The following SRRM4 variants were observed in gnomAD, a reference collection of about 807,000 sequenced individuals.
SRRM4 encodes serine/arginine repetitive matrix protein 4.
In SRRM4, 33 loss-of-function variants were observed where a neutral mutation model predicts 68.9. That is an observed-to-expected ratio of 0.48 (90% CI 0.36 to 0.64). The LOEUF is 0.64. SRRM4 is among the 30% of genes least tolerant of loss of function. The pLI is 0.00. For synonymous variants in SRRM4, 318 were observed against 318.8 expected (o/e 1.00, Z 0.03); for missense variants, 817 against 827.1 (o/e 0.99, Z 0.15).
intron 1 of SRRM4, among the ~76,000 whole-genome samples, chr12:118,999,229 T>G (rs886290685): frequency 6.6e-6 from 1 of 151,484 alleles, no homozygotes; most frequent in African/African-American, 2.4e-5. Context: ...GGAGGGAGAG[T>G]CCTGCACCTG....
chr12:119,139,170 A>AG (rs1565917502), intron 8 of SRRM4, among the ~76,000 whole-genome samples: 1 of 152,190 alleles, frequency 6.6e-6, no homozygotes, highest in Admixed American at 6.5e-5. Context: ...TCAATGTCGG[A>AG]GGGGGGTGAC....
At chr12:119,068,719 G>A (rs1469948370) in intron 1 of SRRM4, among the ~76,000 whole-genome samples, 4 of 151,898 alleles carry the variant, frequency 2.6e-5, no homozygotes, top group African/African-American at 9.7e-5. Flanking sequence ...CCTCCATCTC[G>A]GTGTCAGAAA....
intron 1 of SRRM4, among the ~76,000 whole-genome samples, chr12:119,047,332 A>AT (rs1565896977): frequency 1.3e-5 from 2 of 151,918 alleles, no homozygotes; most frequent in South Asian, 2.1e-4. Context: ...TTAACTTTAA[A>AT]ATTTTTTTTT....
intron 7 of SRRM4, among the ~76,000 whole-genome samples, chr12:119,129,977 A>ATGGG (rs1283166595): frequency 1.3e-5 from 2 of 150,228 alleles, no homozygotes; most frequent in African/African-American, 2.5e-5. Context: ...GGATGGATGG[A>ATGGG]TGGATGGATG....
At position 119,031,769 on chromosome 12, in the gene SRRM4, T is replaced by C. The variant is rs1021880046; in HGVS notation, c.131+49756T>C. ...GCTCATTTATTTTTTCCTTTGCAAA[T>C]TGCTAATTCATAATTTTTGCCCATT... On this transcript the variant is annotated intron_variant, in intron 1 of 12. Coordinates refer to ENST00000267260, the MANE Select transcript of SRRM4 (RefSeq NM_194286.4). Among the ~76,000 whole-genome samples the C allele has an allele frequency of 3.9e-5, 6 of 152,154 alleles. No homozygotes were observed. The East Asian group carries it at 7.7e-4, about 20-fold the overall frequency.
At chr12:119,078,755 AC>A (rs1484382155) in intron 1 of SRRM4, among the ~76,000 whole-genome samples, 3 of 152,106 alleles carry the variant, frequency 2.0e-5, no homozygotes, top group Non-Finnish European at 2.9e-5. Flanking sequence ...CCCCGTCTCT[AC>A]AAAAAAAAAT....
intron 2 of SRRM4, among the ~76,000 whole-genome samples, chr12:119,112,830 T>C (rs1202349739): frequency 3.9e-5 from 6 of 151,996 alleles, no homozygotes; most frequent in Admixed American, 3.9e-4. Flanking sequence ...GGAAGAGCAT[T>C]AGGGAAAAGA....
intron 1 of SRRM4, among the ~76,000 whole-genome samples, chr12:119,038,532 C>G (rs2091333): frequency 0.88 from 133,280 of 152,212 alleles, 58,544 homozygotes; most frequent in Middle Eastern, 0.95. Flanking sequence ...CTTTTACCAA[C>G]ATTTCTAGGT....
chr12:119,062,172 G>C (rs2393467), intron 1 of SRRM4, among the ~76,000 whole-genome samples: 134,246 of 152,186 alleles, frequency 0.88, 59,582 homozygotes, highest in Middle Eastern at 0.95. Flanking sequence ...ATAAGCATAT[G>C]TAAATGCAGA....
intron 6 of SRRM4, among the ~76,000 whole-genome samples, 172 bp downstream of exon 6, chr12:119,122,292 CAGGAAGGA>C (rs56030105): frequency 0.29 from 19,918 of 68,652 alleles, 3,249 homozygotes; most frequent in Non-Finnish European, 0.37. Flanking sequence ...GGCAGGAAGG[CAGGAAGGA>C]AGGAAGGAAG....
chr12:119,030,763 T>TA (rs1953584021), intron 1 of SRRM4, among the ~76,000 whole-genome samples: 1 of 152,222 alleles, frequency 6.6e-6, no homozygotes, highest in South Asian at 2.1e-4. Flanking sequence ...TTCATGTCCA[T>TA]ATCATACGAA....
intron 1 of SRRM4, among the ~76,000 whole-genome samples, chr12:119,015,529 C>T (rs1197265250): frequency 6.6e-6 from 1 of 152,128 alleles, no homozygotes; most frequent in Non-Finnish European, 1.5e-5. Context: ...TCTTTTGGCC[C>T]TCACTCACCC....
intron 7 of SRRM4, among the ~76,000 whole-genome samples, chr12:119,130,336 A>C (rs1238607387): frequency 6.7e-6 from 1 of 150,228 alleles, no homozygotes; most frequent in East Asian, 2.0e-4. Context: ...GGATGGATAC[A>C]TGATTGGTTG....
intron 9 of SRRM4, among the ~76,000 whole-genome samples, chr12:119,147,483 A>G (rs1053475819): frequency 6.6e-6 from 1 of 152,234 alleles, no homozygotes; most frequent in African/African-American, 2.4e-5. Context: ...TGATGTGTCA[A>G]TGGAGGTTCA....
chr12:119,154,844 T>C lies in SRRM4; in HGVS notation c.1532+461T>C, dbSNP rs1488353315. On this transcript the variant is annotated intron_variant, in intron 12 of 12. Coordinates refer to ENST00000267260, the MANE Select transcript of SRRM4 (RefSeq NM_194286.4). This position sits in a 1 kb window ranked among gnomAD's most constrained non-coding sequence, Gnocchi z 4.7. Reference sequence around the variant, plus strand: ...CTCAGCTGTCAGGCTTAAATAAACCTATATGTAATTATACCTTGAACCAAG... The same window carrying C: ...CTCAGCTGTCAGGCTTAAATAAACCCATATGTAATTATACCTTGAACCAAG... Among the ~76,000 whole-genome samples the C allele has an allele frequency of 6.6e-6, 1 of 152,166 alleles. No individual in the cohort carries two copies. Among genetic ancestry groups the C allele is most frequent in the Admixed American group, 6.5e-5 (1 of 15,284 alleles).
chr12:119,013,981 A>G (rs924501416), intron 1 of SRRM4, among the ~76,000 whole-genome samples: 7 of 152,032 alleles, frequency 4.6e-5, no homozygotes, highest in African/African-American at 1.7e-4. Context: ...CCATTACTTG[A>G]TGGTCAAAGT....
intron 10 of SRRM4, among the ~76,000 whole-genome samples, 171 bp from the exon 11 acceptor site, chr12:119,153,368 A>G (rs1345590296): frequency 1.2e-5 from 1 of 82,738 alleles, no homozygotes; most frequent in Non-Finnish European, 2.4e-5. Flanking sequence ...ATTATTATTA[A>G]CCACCGGTGG....
At chr12:119,065,866 T>G (rs146161850) in intron 1 of SRRM4, among the ~76,000 whole-genome samples, 1 of 151,992 alleles carries the variant, frequency 6.6e-6, no homozygotes, top group African/African-American at 2.4e-5. Context: ...AATGGGTGGA[T>G]GGGTGGATGG....
At chr12:119,052,076 C>T (rs1002817701) in intron 1 of SRRM4, among the ~76,000 whole-genome samples, 11 of 152,168 alleles carry the variant, frequency 7.2e-5, no homozygotes, top group Admixed American at 2.0e-4. Flanking sequence ...TTCTGCCTCT[C>T]GGGAGTCTAT....
Sources: gnomAD v4.1 joint callset for allele counts (sites outside exome capture counted in the v4.1 genomes callset) on GRCh38, gnomAD v4.1.1 for gene constraint, Gnocchi (gnomAD v3.1) non-coding constraint, MANE v1.5 for transcripts, NCBI Gene and HGNC (gene_info 2026-07-23, HGNC 2026-07-21) for gene names.